The following CEP192 variants were observed in gnomAD, a reference collection of about 807,000 sequenced individuals.
The protein encoded by CEP192 is centrosomal protein of 192 kDa.
Under a neutral mutation model 271.8 loss-of-function variants are expected in CEP192, and 151 were observed. The observed-to-expected ratio is 0.56, with a 90% CI of 0.49 to 0.64. The LOEUF (loss-of-function observed/expected upper bound fraction) is 0.64, where lower values mean the gene tolerates loss of function less well. Ranked by LOEUF, CEP192 falls within the 30% of genes least tolerant of loss-of-function variation. The pLI is 0.00. For missense variants in CEP192, 2,910 were observed against 3,020.5 expected (o/e 0.96, Z 0.86); for synonymous variants, 995 against 1,076.5 (o/e 0.92, Z 1.48).
At chr18:13,023,549 G>T (rs1003058422) in intron 9 of CEP192, among the ~76,000 whole-genome samples, 56 of 148,524 alleles carry the variant, frequency 3.8e-4, no homozygotes, top group South Asian at 8.5e-4. Context: ...ATTGATTTTT[G>T]ATTGTTGAAC....
intron 15 of CEP192, among the ~76,000 whole-genome samples, chr18:13,047,668 T>C (rs2036556519): frequency 6.6e-6 from 1 of 152,250 alleles, no homozygotes; most frequent in African/African-American, 2.4e-5. Context: ...TAGTCTGCTG[T>C]TACTGGAGGC....
chr18:13,061,482 C>T (rs2037404815), intron 21 of CEP192, among the ~76,000 whole-genome samples: 1 of 152,226 alleles, frequency 6.6e-6, no homozygotes, highest in Non-Finnish European at 1.5e-5. Context: ...TAGGGGAATG[C>T]TTAGTAACCT....
rs776643027 is a variant in CEP192, at chr18:13,048,915, T to C, written c.2124T>C (p.Ser708=). 3 of 1,613,754 alleles carry C rather than the reference T, an allele frequency of 1.9e-6. No homozygotes were observed. Among genetic ancestry groups the C allele is most frequent in the East Asian group, 4.5e-5 (2 of 44,852 alleles). The change falls in exon 16 of 45, where the codon AGT becomes AGC. Residue 708 remains serine (S), a synonymous_variant. Coordinates refer to ENST00000506447, the MANE Select transcript of CEP192 (RefSeq NM_032142.4). ...PQRYKDKLPD[S]GDSMLRISTI... is the part of the protein sequence containing the mutation. ...GATACAAAGACAAGCTACCAGATAG[T>C]GGTGATTCTATGCTTAGGATCAGCA...
At chr18:13,082,011 T>A (rs2144620069) in intron 30 of CEP192, among the ~76,000 whole-genome samples, 1 of 152,192 alleles carries the variant, frequency 6.6e-6, no homozygotes, top group Non-Finnish European at 1.5e-5. Flanking sequence ...TGCTGAGGAG[T>A]GTTTTACTTC....
intron 9 of CEP192, among the ~76,000 whole-genome samples, 162 bp from the exon 10 acceptor site, chr18:13,029,501 T>G (rs1453377027): frequency 6.6e-6 from 1 of 152,240 alleles, no homozygotes; most frequent in Non-Finnish European, 1.5e-5. Context: ...GGTTCATATA[T>G]TCACATATAG....
intron 9 of CEP192, among the ~76,000 whole-genome samples, chr18:13,027,397 A>G (rs1404978549): frequency 6.6e-6 from 1 of 152,172 alleles, no homozygotes; most frequent in Non-Finnish European, 1.5e-5. Flanking sequence ...GGGCCCACCT[A>G]TGACTGGATC....
At chr18:13,021,776 C>A (rs958415025) in intron 9 of CEP192, among the ~76,000 whole-genome samples, 2 of 152,178 alleles carry the variant, frequency 1.3e-5, no homozygotes, top group Non-Finnish European at 2.9e-5. Flanking sequence ...TTTAGGTCTT[C>A]TTTCTTTAAA....
chr18:13,060,307 A>T (rs1036206093), intron 21 of CEP192, among the ~76,000 whole-genome samples: 1 of 152,264 alleles, frequency 6.6e-6, no homozygotes, highest in Admixed American at 6.5e-5. Flanking sequence ...AGCTAAACAT[A>T]GAAAAGGTAC....
intron 36 of CEP192, among the ~76,000 whole-genome samples, chr18:13,098,803 C>T (rs925581302): frequency 6.6e-5 from 10 of 152,190 alleles, no homozygotes; most frequent in African/African-American, 2.4e-4. Context: ...GCTGCAGTCT[C>T]GGCACTTTGA....
Position 13,068,886 on chromosome 18 carries a change from A to G in CEP192, c.4857A>G (p.Lys1619=). The change falls in exon 25 of 45, where the codon AAA becomes AAG. Residue 1619 remains lysine (K), a synonymous_variant. Coordinates refer to ENST00000506447, the MANE Select transcript of CEP192 (RefSeq NM_032142.4). ...ILDSAEEFSA[K]VDIEVDSPNP... is the part of the protein sequence containing the mutation. ...ACTCAGCAGAAGAATTCTCGGCAAA[A>G]GTTGATATCGAAGTTGACAGCCCAA... 2 of 1,614,184 alleles carry G rather than the reference A, an allele frequency of 1.2e-6. No homozygotes were observed. Among genetic ancestry groups the G allele is most frequent in the African/African-American group, 1.3e-5 (1 of 75,030 alleles).
At chr18:13,046,185 A>G (rs980244394) in intron 15 of CEP192, among the ~76,000 whole-genome samples, 5 of 152,184 alleles carry the variant, frequency 3.3e-5, no homozygotes, top group Non-Finnish European at 5.9e-5. Flanking sequence ...CAGGCATGTC[A>G]CATGGCCAAA....
At chr18:13,092,133 C>G (rs2039174764) in intron 33 of CEP192, among the ~76,000 whole-genome samples, 1 of 152,060 alleles carries the variant, frequency 6.6e-6, no homozygotes, top group South Asian at 2.1e-4. Context: ...AAGTAACTTG[C>G]CAAAAGTCAC....
intron 30 of CEP192, among the ~76,000 whole-genome samples, chr18:13,086,741 T>C (rs543133763): frequency 6.6e-6 from 1 of 152,364 alleles, no homozygotes; most frequent in South Asian, 2.1e-4. Context: ...TACTAATCTT[T>C]ATATTATTCC....
At chr18:13,044,868 T>C (rs905953895) in intron 15 of CEP192, among the ~76,000 whole-genome samples, 3 of 152,186 alleles carry the variant, frequency 2.0e-5, no homozygotes, top group African/African-American at 4.8e-5. Context: ...TTTGGTAGAA[T>C]ACATTGGTGA....
At chr18:13,047,709 T>G (rs1240336522) in intron 15 of CEP192, among the ~76,000 whole-genome samples, 2 of 152,222 alleles carry the variant, frequency 1.3e-5, no homozygotes, top group Non-Finnish European at 2.9e-5. Context: ...TTTGTTGTTG[T>G]TGTTGTTAAA....
chr18:13,092,487 T>C lies in CEP192; in HGVS notation c.6214T>C (p.Phe2072Leu). 6.2e-7 allele frequency: 1 copy of C among 1,609,816 alleles called. No individual in the cohort carries two copies. ...EFRDCISSREFLQPSSKASLE... is the reference protein window; with the variant it reads ...EFRDCISSRELLQPSSKASLE... ...CAGAGATTGCATTTCTAGCAGAGAATTCCTTCAGCCTTCTTCCAAAGCTAG... is the reference window on the plus strand; with the variant it reads ...CAGAGATTGCATTTCTAGCAGAGAACTCCTTCAGCCTTCTTCCAAAGCTAG... Residue 2072 changes from phenylalanine to leucine, a missense_variant, in exon 34 of 45, where the codon TTC becomes CTC. By Grantham distance (22) the Phe-to-Leu change is conservative (BLOSUM62 0). Transcript: ENST00000506447.
intron 9 of CEP192, among the ~76,000 whole-genome samples, chr18:13,022,348 G>A (rs182707783): frequency 8.5e-4 from 128 of 151,408 alleles, no homozygotes; most frequent in African/African-American, 3.0e-3. Flanking sequence ...TGGGTCTTTT[G>A]CCTCTTTGTG....
At chr18:13,006,605 G>T (rs1478595154) in intron 3 of CEP192, among the ~76,000 whole-genome samples, 2 of 152,086 alleles carry the variant, frequency 1.3e-5, no homozygotes, top group Non-Finnish European at 2.9e-5. Flanking sequence ...TGCATAGTTT[G>T]TTCATTTTTA....
rs1314446955 is a variant in CEP192 at position 13,087,624 on chromosome 18, A to C, written c.5971A>C (p.Ile1991Leu). The C allele has an allele frequency of 6.4e-7, 1 of 1,561,572 alleles. No individual in the cohort carries two copies. Among genetic ancestry groups the C allele is most frequent in the Non-Finnish European group, 8.7e-7 (1 of 1,150,148 alleles). The change falls in exon 32 of 45, where the codon ATT (isoleucine) becomes CTT (leucine). Residue 1991 changes from isoleucine to leucine, a missense_variant. Transcript: ENST00000506447. Reference protein sequence around the residue: ...STVYLFGGDEISRQQYRRALL... With the variant: ...STVYLFGGDELSRQQYRRALL... ...TGTATACTTATTTGGTGGAGATGAA[A>C]TTTCAAGACAGCAGTATCGCAGGTA...
Sources: allele counts gnomAD v4.1 joint callset (sites outside exome capture counted in the v4.1 genomes callset), GRCh38; gene constraint gnomAD v4.1.1; transcripts MANE v1.5; gene names NCBI Gene and HGNC (gene_info 2026-07-23, HGNC 2026-07-21).